The following TBC1D19 variants were observed in gnomAD, a reference collection of about 807,000 sequenced individuals.
The protein encoded by TBC1D19 is TBC1 domain family member 19.
In TBC1D19, 60 loss-of-function variants were observed where a neutral mutation model predicts 89.0. The observed-to-expected ratio is 0.67, with a 90% confidence interval of 0.55 to 0.84. The LOEUF is 0.84. TBC1D19 is among the 40% of genes least tolerant of loss of function. TBC1D19 has a pLI of 0.00. For synonymous variants in TBC1D19, 189 were observed against 199.7 expected (o/e 0.95, Z 0.45); for missense variants, 500 against 610.8 (o/e 0.82, Z 1.91).
intron 15 of TBC1D19, among the ~76,000 whole-genome samples, chr4:26,724,077 C>T (rs1471646655): frequency 1.3e-5 from 2 of 152,096 alleles, no homozygotes; most frequent in Non-Finnish European, 2.9e-5. Context: ...GGAGAACGTT[C>T]CAGAAGAGAG....
At chr4:26,633,697 A>G (rs1742943251) in intron 4 of TBC1D19, among the ~76,000 whole-genome samples, 2 of 152,052 alleles carry the variant, frequency 1.3e-5, no homozygotes, top group South Asian at 4.1e-4. Flanking sequence ...CTTACTAATG[A>G]AAGTCCTATG....
At chr4:26,820,048 G>A in the TBC1D19 span, among the ~76,000 whole-genome samples, 4 of 152,024 alleles carry the variant, frequency 2.6e-5, no homozygotes, top group Non-Finnish European at 4.4e-5. Flanking sequence ...GCTTTTTAAT[G>A]GACAATAATT....
At chr4:26,785,455 G>T in the TBC1D19 span, among the ~76,000 whole-genome samples, 1 of 152,228 alleles carries the variant, frequency 6.6e-6, no homozygotes, top group African/African-American at 2.4e-5. Context: ...CATGTCAATA[G>T]TTAGCAGTGA....
intron 17 of TBC1D19, 25 bp downstream of exon 17, chr4:26,739,998 C>G: frequency 7.0e-7 from 1 of 1,434,618 alleles, no homozygotes; most frequent in Non-Finnish European, 9.6e-7. Flanking sequence ...AAAACTTGAT[C>G]AAATTAGGTT....
At chr4:26,591,083 C>T (rs1004065795) in intron 1 of TBC1D19, among the ~76,000 whole-genome samples, 30 of 151,528 alleles carry the variant, frequency 2.0e-4, no homozygotes, top group African/African-American at 6.0e-4. Flanking sequence ...CCTGAGACTC[C>T]GGCAACCACT....
At chr4:26,595,555 A>C (rs1740155167) in intron 1 of TBC1D19, among the ~76,000 whole-genome samples, 1 of 152,048 alleles carries the variant, frequency 6.6e-6, no homozygotes, top group Non-Finnish European at 1.5e-5. Flanking sequence ...TATGTGTTAC[A>C]TTTAGGTCTA....
At chr4:26,584,973 G>T (rs756288955) in intron 1 of TBC1D19, 82 of 200,904 alleles carry the variant, frequency 4.1e-4, no homozygotes, top group Non-Finnish European at 7.4e-4. Context: ...TATTTCAGTA[G>T]TTCTGTTCCT....
At chr4:26,655,113 C>G (rs1245694973) in intron 7 of TBC1D19, among the ~76,000 whole-genome samples, 3 of 152,162 alleles carry the variant, frequency 2.0e-5, no homozygotes, top group Non-Finnish European at 4.4e-5. Flanking sequence ...AGCTGCAGGT[C>G]TGTTGGAGTT....
chr4:26,622,853 G>A (rs1742147755), intron 4 of TBC1D19, among the ~76,000 whole-genome samples: 1 of 152,046 alleles, frequency 6.6e-6, no homozygotes, highest in South Asian at 2.1e-4. Context: ...TTTCATACAA[G>A]GTTTGCCTAT....
At chr4:26,645,264 G>T (rs1299237942) in intron 7 of TBC1D19, among the ~76,000 whole-genome samples, 1 of 152,148 alleles carries the variant, frequency 6.6e-6, no homozygotes, top group South Asian at 2.1e-4. Flanking sequence ...GTACTACAAG[G>T]CTACAGTAAC....
At chr4:26,763,834 A>C in the TBC1D19 span, among the ~76,000 whole-genome samples, 1 of 152,214 alleles carries the variant, frequency 6.6e-6, no homozygotes, top group African/African-American at 2.4e-5. Flanking sequence ...GGCAAGTGTG[A>C]TAGAGGAAGA....
the TBC1D19 span, among the ~76,000 whole-genome samples, chr4:26,792,067 A>G: frequency 6.6e-6 from 1 of 152,200 alleles, no homozygotes; most frequent in Admixed American, 6.5e-5. Context: ...AGAGGTGACC[A>G]CTGTGAGACA....
At chr4:26,655,764 A>G (rs1744755568) in intron 7 of TBC1D19, among the ~76,000 whole-genome samples, 1 of 152,178 alleles carries the variant, frequency 6.6e-6, no homozygotes, top group African/African-American at 2.4e-5. Context: ...TCCTGGTGCC[A>G]TCTGTCACCC....
the TBC1D19 span, among the ~76,000 whole-genome samples, chr4:26,836,060 T>C: frequency 1.3e-5 from 2 of 152,118 alleles, no homozygotes; most frequent in African/African-American, 2.4e-5. Context: ...CATTTCTCCC[T>C]GGCCCTTGCC....
chr4:26,614,363 AAAAACT>A, intron 2 of TBC1D19, 39 bp from the exon 3 acceptor site: 1 of 1,316,864 alleles, frequency 7.6e-7, no homozygotes, highest in Admixed American at 2.1e-5. Context: ...ATGTTTACTT[AAAAACT>A]AGTATGTTCA....
intron 4 of TBC1D19, among the ~76,000 whole-genome samples, chr4:26,622,043 A>G (rs1742084046): frequency 6.6e-6 from 1 of 151,922 alleles, no homozygotes; most frequent in Non-Finnish European, 1.5e-5. Flanking sequence ...GAATTGAACA[A>G]TGAGAACAGA....
At chr4:26,789,372 C>G in the TBC1D19 span, among the ~76,000 whole-genome samples, 1 of 152,068 alleles carries the variant, frequency 6.6e-6, no homozygotes. Context: ...AGATCTGGCC[C>G]ATAAAAATTT....
chr4:26,788,072 G>A, the TBC1D19 span, among the ~76,000 whole-genome samples: 5 of 152,142 alleles, frequency 3.3e-5, no homozygotes, highest in Non-Finnish European at 5.9e-5. Flanking sequence ...TCAGAGGAGC[G>A]ATCTGCTGTG....
the TBC1D19 span, among the ~76,000 whole-genome samples, chr4:26,829,381 G>T: frequency 1.3e-5 from 2 of 152,132 alleles, no homozygotes; most frequent in African/African-American, 4.8e-5. Flanking sequence ...ATCTCTCATC[G>T]TAAGCCCTCT....
Sources: gnomAD v4.1 joint callset for allele counts (sites outside exome capture counted in the v4.1 genomes callset) on GRCh38, gnomAD v4.1.1 for gene constraint, MANE v1.5 for transcripts, NCBI Gene and HGNC (gene_info 2026-07-23, HGNC 2026-07-21) for gene names.